The following PCDHGA9 variants were observed in gnomAD, a reference collection of about 807,000 sequenced individuals.
PCDHGA9 encodes protocadherin gamma subfamily A, 9, also known as protocadherin gamma-A9.
A neutral mutation model predicts 62.5 loss-of-function variants in PCDHGA9; 37 were observed. The observed-to-expected ratio is 0.59, with a 90% CI of 0.46 to 0.78. The LOEUF (loss-of-function observed/expected upper bound fraction) is 0.78. Among genes scored for constraint, PCDHGA9 ranks in the 30% least tolerant of loss-of-function variants. The pLI, the probability that PCDHGA9 is intolerant of heterozygous loss-of-function variation, is 0.00. For missense variants in PCDHGA9, 1,138 were observed against 1,166.2 expected (o/e 0.98, Z 0.35); for synonymous variants, 459 against 484.6 (o/e 0.95, Z 0.69).
At position 141,505,390 on chromosome 5, in the gene PCDHGA9, C is replaced by T; in HGVS notation, c.2484-3C>T. On this transcript the variant is annotated splice_polypyrimidine_tract_variant and splice_region_variant and intron_variant, in intron 2 of 3. Coordinates refer to ENST00000573521, the MANE Select transcript of PCDHGA9 (RefSeq NM_018921.3). ...TGTGCTCACCATCCTACTCTCTCCCCAGCTCCCAAAATGGCGATGACACCG... is the reference window on the plus strand; with the variant it reads ...TGTGCTCACCATCCTACTCTCTCCCTAGCTCCCAAAATGGCGATGACACCG... The T allele has an allele frequency of 6.2e-7, 1 of 1,614,130 alleles. No individual in the cohort carries two copies.
rs144203659 is a variant in PCDHGA9, at chr5:141,431,011, G to A, written c.2424+25635G>A. The A allele has an allele frequency of 1.5e-5, 24 of 1,613,168 alleles. No individual in the cohort carries two copies. The highest frequency in any genetic ancestry group is 1.7e-5 in the Non-Finnish European group (20 of 1,179,310). ...CCCTGAATCCGCGCAGCGGCAGCTTGGTCACGGCGGGCAGGATAGACCGGG... is the reference window on the plus strand; with the variant it reads ...CCCTGAATCCGCGCAGCGGCAGCTTAGTCACGGCGGGCAGGATAGACCGGG... On this transcript the variant is annotated intron_variant, in intron 1 of 3. Transcript: ENST00000573521. This position sits in a 1 kb window ranked among gnomAD's most constrained non-coding sequence, Gnocchi z 4.8.
rs767521224 is a variant in PCDHGA9 at position 141,431,148 on chromosome 5, C to T, written c.2424+25772C>T. 3.7e-6 allele frequency: 6 copies of T among 1,614,146 alleles called. No homozygotes were observed. Among genetic ancestry groups the T allele is most frequent in the Admixed American group, 1.7e-5 (1 of 60,030 alleles). On this transcript the variant is annotated intron_variant, in intron 1 of 3. Coordinates refer to ENST00000573521, the MANE Select transcript of PCDHGA9 (RefSeq NM_018921.3). The surrounding 1 kb of genome is among the most constrained non-coding windows in gnomAD (Gnocchi z 4.8). Reference sequence around the variant, plus strand: ...GAAGTAAGGGACATTAACGACAATGCGCCTTACTTTCGTGAAAGTGAATTA... The same window carrying T: ...GAAGTAAGGGACATTAACGACAATGTGCCTTACTTTCGTGAAAGTGAATTA...
intron 1 of PCDHGA9, chr5:141,419,059 T>C (rs574873856): frequency 1.6e-5 from 26 of 1,613,962 alleles, no homozygotes; most frequent in Non-Finnish European, 2.0e-5. Context: ...CTTCTAATAA[T>C]TACTACAAGC....
chr5:141,508,540 G>A (rs993826709), intron 3 of PCDHGA9, among the ~76,000 whole-genome samples: 3 of 152,144 alleles, frequency 2.0e-5, no homozygotes, highest in African/African-American at 4.8e-5. Flanking sequence ...CCCCCCACGA[G>A]GTGGGCGGGG....
Position 141,431,755 on chromosome 5 carries a change from AGTCCT to A in PCDHGA9, c.2424+26381_2424+26385del. On this transcript the variant is annotated intron_variant, in intron 1 of 3. Coordinates refer to ENST00000573521, the MANE Select transcript of PCDHGA9 (RefSeq NM_018921.3). This position sits in a 1 kb window ranked among gnomAD's most constrained non-coding sequence, Gnocchi z 4.8. ...ATGCAGGATATTCTGCGCGAGCCAA[AGTCCT>A]GATCACTGTTCTGGACGTGAACGAC... 6.2e-7 allele frequency: 1 copy of A among 1,614,238 alleles called. No individual in the cohort carries two copies. Among genetic ancestry groups the A allele is most frequent in the Non-Finnish European group, 8.5e-7 (1 of 1,180,048 alleles).
intron 1 of PCDHGA9, among the ~76,000 whole-genome samples, chr5:141,466,121 CA>C (rs908379481): frequency 4.8e-5 from 7 of 146,852 alleles, no homozygotes; most frequent in Non-Finnish European, 6.0e-5. Context: ...GACTCCAGCT[CA>C]AAAAAAAAAT....
chr5:141,433,305 C>A, intron 1 of PCDHGA9: 1 of 931,030 alleles, frequency 1.1e-6, no homozygotes, highest in Non-Finnish European at 1.6e-6. Context: ...GCAATTATCC[C>A]ACCTTTGCCT....
At chr5:141,437,660 G>A (rs1021986333) in intron 1 of PCDHGA9, among the ~76,000 whole-genome samples, 6 of 151,866 alleles carry the variant, frequency 4.0e-5, no homozygotes, top group Non-Finnish European at 5.9e-5. Flanking sequence ...ACATAGTTTC[G>A]AAGAGATGTT....
intron 1 of PCDHGA9, among the ~76,000 whole-genome samples, chr5:141,458,821 C>T (rs1220034390): frequency 6.6e-6 from 1 of 152,146 alleles, no homozygotes; most frequent in Non-Finnish European, 1.5e-5. Flanking sequence ...CAACCTCTGC[C>T]TCCCAGGCTC....
chr5:141,410,342 C>T (rs772070270), intron 1 of PCDHGA9: 12 of 1,613,946 alleles, frequency 7.4e-6, no homozygotes, highest in Non-Finnish European at 9.3e-6. Flanking sequence ...CATTGCCTTG[C>T]GCCTGCGACG....
At chr5:141,500,500 C>T (rs6872480) in intron 2 of PCDHGA9, among the ~76,000 whole-genome samples, 1,599 of 152,210 alleles carry the variant, frequency 0.011, 36 homozygotes, top group African/African-American at 0.036. Context: ...TGAGCCACCG[C>T]GCCTGGCCGA....
Position 141,403,001 on chromosome 5 carries a change from T to C in PCDHGA9, c.49T>C (p.Cys17Arg), listed in dbSNP as rs1189114508. 11 of 1,613,878 alleles carry C rather than the reference T, an allele frequency of 6.8e-6. No homozygotes were observed. The highest frequency in any genetic ancestry group is 1.3e-5 in the African/African-American group (1 of 74,954). Residue 17 changes from cysteine (C) to arginine (R), a missense_variant, in exon 1 of 4, where the codon TGC (cysteine) becomes CGC (arginine). Transcript: ENST00000573521. ...CQLRGRLVLL[C>R]SLLGMLWEAR... The stretch of plus-strand genomic sequence containing the variant: ...GCTCCGCGGAAGATTAGTCCTGCTA[T>C]GCTCGCTCCTGGGGATGCTATGGGA...
rs1003050993 is a variant in PCDHGA9, at chr5:141,477,637, T to A, written c.2425-17170T>A. ...AAGGAGCTGAAACCGGGCTAGTGGG[T>A]CGCTATTTCACAATAAATCGTGACA... On this transcript the variant is annotated intron_variant, in intron 1 of 3. Transcript: ENST00000573521. This position sits in a 1 kb window ranked among gnomAD's most constrained non-coding sequence, Gnocchi z 4.9. 6.2e-7 allele frequency: 1 copy of A among 1,614,154 alleles called. No individual in the cohort carries two copies. Among genetic ancestry groups the A allele is most frequent in the African/African-American group, 1.3e-5 (1 of 75,040 alleles).
intron 2 of PCDHGA9, among the ~76,000 whole-genome samples, chr5:141,498,394 A>G (rs1043900807): frequency 6.6e-6 from 1 of 152,096 alleles, no homozygotes; most frequent in Non-Finnish European, 1.5e-5. Flanking sequence ...AGGGAATGGC[A>G]GGGAGTTTTC....
intron 3 of PCDHGA9, among the ~76,000 whole-genome samples, chr5:141,506,402 G>A (rs1032556978): frequency 2.8e-5 from 4 of 143,790 alleles, no homozygotes; most frequent in East Asian, 2.0e-4. Flanking sequence ...GCAGAAAATC[G>A]CACCACTGCA....
At chr5:141,429,037 G>A (rs1404164429) in intron 1 of PCDHGA9, 1 of 152,054 alleles carries the variant, frequency 6.6e-6, no homozygotes, top group African/African-American at 2.4e-5. Flanking sequence ...TGCATTTTTA[G>A]TACAGACGGG....
In PCDHGA9 at chr5:141,485,513, T is replaced by C. The variant is rs751762068; in HGVS notation, c.2425-9294T>C. The C allele has an allele frequency of 4.3e-6, 7 of 1,613,938 alleles. No homozygotes were observed. The highest frequency in any genetic ancestry group is 2.2e-5 in the East Asian group (1 of 44,890). On this transcript the variant is annotated intron_variant, in intron 1 of 3. Coordinates refer to ENST00000573521, the MANE Select transcript of PCDHGA9 (RefSeq NM_018921.3). The surrounding 1 kb of genome is among the most constrained non-coding windows in gnomAD (Gnocchi z 5.7). ...CCTGGAGTTTGTCACCGAAGGTCCTTTGGAAATGTACCGAGCAGAGGTAGA... is the reference window on the plus strand; with the variant it reads ...CCTGGAGTTTGTCACCGAAGGTCCTCTGGAAATGTACCGAGCAGAGGTAGA...
At chr5:141,492,933 A>G (rs935580560) in intron 1 of PCDHGA9, among the ~76,000 whole-genome samples, 3 of 152,194 alleles carry the variant, frequency 2.0e-5, no homozygotes, top group Admixed American at 6.5e-5. Flanking sequence ...CTAGGGTCAG[A>G]GATTTGGAGG....
intron 1 of PCDHGA9, chr5:141,419,739 G>T: frequency 6.2e-7 from 1 of 1,613,770 alleles, no homozygotes; most frequent in South Asian, 1.1e-5. Context: ...GGCGAGGTGC[G>T]CATGGTGCGT....
Sources: gnomAD v4.1 joint callset for allele counts (sites outside exome capture counted in the v4.1 genomes callset) on GRCh38, gnomAD v4.1.1 for gene constraint, Gnocchi (gnomAD v3.1) non-coding constraint, MANE v1.5 for transcripts, NCBI Gene and HGNC (gene_info 2026-07-23, HGNC 2026-07-21) for gene names.